GRID1: variants seen among roughly 807,000 people sequenced by gnomAD.
GRID1 encodes the protein glutamate ionotropic receptor delta type subunit 1.
GRID1 carries 28 observed loss-of-function variants against 98.0 expected under a neutral mutation model. The observed-to-expected ratio is 0.29, with a 90% CI of 0.21 to 0.39. The LOEUF (loss-of-function observed/expected upper bound fraction) is 0.39. Among genes scored for constraint, GRID1 ranks in the 10% least tolerant of loss-of-function variants. GRID1 has a pLI of 1.00. For synonymous variants in GRID1, 553 were observed against 538.5 expected (o/e 1.03, Z -0.37); for missense variants, 1,111 against 1,340.5 (o/e 0.83, Z 2.67).
At chr10:85,905,466 C>T (rs901058637) in intron 5 of GRID1, among the ~76,000 whole-genome samples, 3 of 151,630 alleles carry the variant, frequency 2.0e-5, no homozygotes, top group Admixed American at 6.6e-5. Flanking sequence ...GAAATGATAA[C>T]GGCAGAGAAA....
intron 4 of GRID1, among the ~76,000 whole-genome samples, chr10:85,946,793 A>G (rs1413149486): frequency 6.6e-6 from 1 of 152,212 alleles, no homozygotes; most frequent in African/African-American, 2.4e-5. Context: ...GAAGGTAGAC[A>G]TAAGGGGCCT....
intron 4 of GRID1, among the ~76,000 whole-genome samples, chr10:85,922,426 T>G (rs1841718286): frequency 6.6e-6 from 1 of 152,174 alleles, no homozygotes; most frequent in Admixed American, 6.5e-5. Flanking sequence ...ATGCCACCAA[T>G]TATTTATGTA....
intron 4 of GRID1, among the ~76,000 whole-genome samples, chr10:86,043,341 T>G (rs975635414): frequency 6.6e-5 from 10 of 152,156 alleles, no homozygotes; most frequent in Admixed American, 3.3e-4. Flanking sequence ...AAGAGCTCCC[T>G]CTATACCTCG....
intron 4 of GRID1, among the ~76,000 whole-genome samples, chr10:86,086,460 T>C (rs895357013): frequency 2.6e-5 from 4 of 152,142 alleles, no homozygotes; most frequent in African/African-American, 7.2e-5. Flanking sequence ...GTTCCCACCC[T>C]ACAGATGAGG....
At chr10:86,343,178 T>C (rs2132111342) in intron 2 of GRID1, among the ~76,000 whole-genome samples, 1 of 152,372 alleles carries the variant, frequency 6.6e-6, no homozygotes, top group East Asian at 1.9e-4. Flanking sequence ...TTATTCACCT[T>C]CTTCTAACAG....
At chr10:86,272,568 C>T (rs983491005) in intron 2 of GRID1, among the ~76,000 whole-genome samples, 3 of 152,132 alleles carry the variant, frequency 2.0e-5, no homozygotes, top group African/African-American at 7.2e-5. Context: ...TGAGGGATAC[C>T]TGAAGGATTG....
chr10:85,843,410 GA>G (rs1476306746), intron 8 of GRID1, among the ~76,000 whole-genome samples: 2 of 151,954 alleles, frequency 1.3e-5, no homozygotes, highest in Non-Finnish European at 2.9e-5. Context: ...CCAAAATCAT[GA>G]TATATAAAAG....
intron 2 of GRID1, among the ~76,000 whole-genome samples, chr10:86,341,293 C>T (rs1848306797): frequency 6.6e-6 from 1 of 152,180 alleles, no homozygotes; most frequent in African/African-American, 2.4e-5. Context: ...CTACCACCGA[C>T]AGGGAGCTCT....
chr10:85,772,148 A>G (rs1347186320), intron 8 of GRID1, among the ~76,000 whole-genome samples: 5 of 152,192 alleles, frequency 3.3e-5, no homozygotes, highest in African/African-American at 1.2e-4. Flanking sequence ...CAATCAAACT[A>G]GAACTCAGGA....
intron 8 of GRID1, among the ~76,000 whole-genome samples, chr10:85,761,153 T>C (rs952856383): frequency 2.0e-5 from 3 of 152,216 alleles, no homozygotes; most frequent in Non-Finnish European, 4.4e-5. Flanking sequence ...TGCCATGCAC[T>C]ATTTCAATTT....
intron 2 of GRID1, among the ~76,000 whole-genome samples, chr10:86,262,134 A>G (rs566651599): frequency 3.9e-5 from 6 of 152,314 alleles, no homozygotes; most frequent in African/African-American, 2.4e-5. Flanking sequence ...CACCTTCTAG[A>G]AGGAGGAGGA....
At chr10:85,626,817 G>A (rs566338076) in intron 13 of GRID1, among the ~76,000 whole-genome samples, 1 of 152,326 alleles carries the variant, frequency 6.6e-6, no homozygotes, top group African/African-American at 2.4e-5. Context: ...ACCATCTGCA[G>A]AGAAAAAGAC....
chr10:86,264,773 G>T, intron 2 of GRID1: 1 of 492,616 alleles, frequency 2.0e-6, no homozygotes, highest in Non-Finnish European at 4.2e-6. Context: ...GCAGACAGAC[G>T]CCCAACACAG....
intron 3 of GRID1, among the ~76,000 whole-genome samples, chr10:86,189,060 C>T (rs1052453820): frequency 1.3e-5 from 2 of 152,138 alleles, no homozygotes; most frequent in African/African-American, 4.8e-5. Context: ...AAAGCCACTT[C>T]CCTCTGGTTT....
chr10:85,644,533 T>C (rs1434852704), intron 13 of GRID1, among the ~76,000 whole-genome samples: 3 of 152,254 alleles, frequency 2.0e-5, no homozygotes, highest in African/African-American at 7.2e-5. Flanking sequence ...AATATTATTC[T>C]GCTAAGATTC....
At chr10:86,176,179 T>C (rs977474005) in intron 3 of GRID1, among the ~76,000 whole-genome samples, 1 of 152,210 alleles carries the variant, frequency 6.6e-6, no homozygotes, top group Non-Finnish European at 1.5e-5. Context: ...GGCTAGATGC[T>C]GGGGATACAG....
At chr10:85,779,181 G>A (rs567553606) in intron 8 of GRID1, among the ~76,000 whole-genome samples, 5 of 152,294 alleles carry the variant, frequency 3.3e-5, no homozygotes, top group African/African-American at 9.6e-5. Flanking sequence ...AATGTAGCTC[G>A]GAAGCCCCGG....
At chr10:85,721,636 T>C (rs909542927) in intron 12 of GRID1, among the ~76,000 whole-genome samples, 1 of 152,160 alleles carries the variant, frequency 6.6e-6, no homozygotes, top group Admixed American at 6.5e-5. Context: ...CATACTGAAA[T>C]GACAAAATTT....
intron 2 of GRID1, among the ~76,000 whole-genome samples, chr10:86,335,192 T>A (rs565983296): frequency 6.6e-6 from 1 of 152,268 alleles, no homozygotes; most frequent in Non-Finnish European, 1.5e-5. Flanking sequence ...CAGCCAGGGC[T>A]GCCTTATCCC....
Sources: gnomAD v4.1 joint callset for allele counts (sites outside exome capture counted in the v4.1 genomes callset) on GRCh38, gnomAD v4.1.1 for gene constraint, MANE v1.5 for transcripts, NCBI Gene and HGNC (gene_info 2026-07-23, HGNC 2026-07-21) for gene names.